The following UBXN11 variants were observed in gnomAD, a reference collection of about 807,000 sequenced individuals.
UBXN11 encodes UBX domain-containing protein 11.
A neutral mutation model predicts 62.8 loss-of-function variants in UBXN11; 47 were observed. The observed-to-expected ratio is 0.75, with a 90% CI of 0.59 to 0.95. The LOEUF is 0.95. Among genes scored for constraint, UBXN11 ranks in the 40% least tolerant of loss-of-function variants. UBXN11 has a pLI of 0.00. For missense variants in UBXN11, 638 were observed against 661.7 expected, an observed-to-expected ratio of 0.96 and a Z score of 0.39; for synonymous variants, 294 against 267.0, an observed-to-expected ratio of 1.10 and a Z score of -0.99.
chr1:26,305,255 C>T (rs1273905447), intron 1 of UBXN11, among the ~76,000 whole-genome samples: 1 of 152,092 alleles, frequency 6.6e-6, no homozygotes, highest in African/African-American at 2.4e-5. Context: ...CGTGAGCCAC[C>T]CCACCTGGCC....
chr1:26,305,246 G>A (rs77518217), intron 1 of UBXN11, among the ~76,000 whole-genome samples: 3 of 151,998 alleles, frequency 2.0e-5, no homozygotes, highest in African/African-American at 7.2e-5. Flanking sequence ...GATTACCGGC[G>A]TGAGCCACCC....
chr1:26,289,839 C>T lies in UBXN11; in HGVS notation c.560-3802G>A, dbSNP rs1327845415. 1.3e-5 allele frequency among the ~76,000 whole-genome samples: 2 copies of T among 152,244 alleles called. 1 individual carries two copies. The highest frequency in any genetic ancestry group is 4.8e-5 in the African/African-American group (2 of 41,466). On this transcript the variant is annotated intron_variant, in intron 8 of 14. Transcript: ENST00000374222. ...CGGTGCCGCCCTCCATGTGCCTGCC[C>T]TTGACCCTCAGGCAAAGACGGCTGC...
chr1:26,285,224 G>A lies in UBXN11; in HGVS notation c.852+240C>T, dbSNP rs1305784968. On this transcript the variant is annotated intron_variant, in intron 10 of 14. Coordinates refer to ENST00000374222, the MANE Select transcript of UBXN11 (RefSeq NM_001389556.1). ...AAAGCTGGGGAGGACTAGAAGGCAGGGGCCCCGCAGCCGAGGCTGTCTCCA... is the reference window on the plus strand; with the variant it reads ...AAAGCTGGGGAGGACTAGAAGGCAGAGGCCCCGCAGCCGAGGCTGTCTCCA... The A allele has an allele frequency of 4.6e-6, 6 of 1,307,944 alleles. No individual in the cohort carries two copies. In the East Asian group the frequency reaches 1.9e-4, roughly 42 times the overall value. 81.0% of individuals were successfully genotyped at this position (1,307,944 alleles called of 1,614,324 possible). A position where few individuals can be genotyped will look rare whatever the true frequency, so the allele number is the denominator to read the frequency against.
upstream of UBXN11, among the ~76,000 whole-genome samples, chr1:26,310,823 A>G (rs1263391750): frequency 6.7e-6 from 1 of 148,286 alleles, no homozygotes; most frequent in East Asian, 2.0e-4. Flanking sequence ...TTTAACCTAT[A>G]TTTCTCTTCC....
At chr1:26,306,699 A>C (rs115882672), upstream of UBXN11, 4,362 of 152,184 alleles carry the variant, frequency 0.029, 91 homozygotes, top group Non-Finnish European at 0.043. Context: ...GGGAGGCCTG[A>C]GCAACCTGCA....
At chr1:26,300,578 C>T (rs558283095) in intron 4 of UBXN11, among the ~76,000 whole-genome samples, 31 of 152,322 alleles carry the variant, frequency 2.0e-4, no homozygotes, top group African/African-American at 6.7e-4. Context: ...ACTGTCTAGG[C>T]GACTTTGGGC....
Position 26,282,302 on chromosome 1 carries a change from T to A in UBXN11, c.1560A>T (p.Gln520His). 1 of 1,455,264 alleles carries A rather than the reference T, an allele frequency of 6.9e-7. No individual in the cohort carries two copies. The allele number at this position is 1,455,264 out of a possible 1,614,324, so 90.1% of individuals were successfully genotyped here. Residue 520 changes from glutamine (Q) to histidine (H), a missense_variant, in exon 15 of 15, where the codon CAA (glutamine) becomes CAT (histidine). Gln to His is a conservative substitution (Grantham distance 24). Transcript: ENST00000374222. ...GCGGGTTGAGGGGGCGGGTGCTTTATTGGGGGCTGGGACTGGGTCCAGGAC... is the reference window on the plus strand; with the variant it reads ...GCGGGTTGAGGGGGCGGGTGCTTTAATGGGGGCTGGGACTGGGTCCAGGAC... ...SPCPGPSPSP[Q>H]
intron 8 of UBXN11, among the ~76,000 whole-genome samples, chr1:26,290,581 G>T (rs1236105001): frequency 6.6e-6 from 1 of 152,166 alleles, no homozygotes; most frequent in Non-Finnish European, 1.5e-5. Context: ...GGTCAAGCCA[G>T]GTGGCTCTGG....
chr1:26,307,101 A>C (rs2073687303), upstream of UBXN11: 1 of 152,222 alleles, frequency 6.6e-6, no homozygotes, highest in Non-Finnish European at 1.5e-5. Flanking sequence ...TGTTTCCTAA[A>C]TCTGAGTTTC....
At chr1:26,311,119 A>G (rs1339246823), upstream of UBXN11, among the ~76,000 whole-genome samples, 1 of 150,174 alleles carries the variant, frequency 6.7e-6, no homozygotes. Flanking sequence ...CTGGGGCTAG[A>G]TGGTTCTGGA....
At chr1:26,293,023 CAAG>C (rs2073308104) in intron 8 of UBXN11, among the ~76,000 whole-genome samples, 1 of 152,078 alleles carries the variant, frequency 6.6e-6, no homozygotes, top group South Asian at 2.1e-4. Flanking sequence ...AGCAGGAAAC[CAAG>C]AAGGTGTCGT....
upstream of UBXN11, chr1:26,306,832 G>GGGGGGGGGGGGGGGT (rs2073680664): frequency 1.2e-5 from 1 of 84,568 alleles, no homozygotes. Flanking sequence ...GGCGGGGTGG[G>GGGGGGGGGGGGGGGT]GGGGGGGGGT....
Position 26,282,432 on chromosome 1 carries a change from G to T in UBXN11, c.1430C>A (p.Ser477Tyr). 1 of 1,612,270 alleles carries T rather than the reference G, an allele frequency of 6.2e-7. No homozygotes were observed. The change falls in exon 15 of 15, where the codon TCC (serine) becomes TAC (tyrosine). Residue 477 changes from serine (S) to tyrosine (Y), a missense_variant. Physicochemically the swap from Ser to Tyr is moderately radical, Grantham distance 144. Transcript: ENST00000374222. The part of the protein sequence containing the change: ...LLLRARRAPK[S>Y]SLKFSPGPCP... ...GGGACCAGGACTGAATTTCAGGCTG[G>T]ACTTCGGGGCTCGGCGTGCCCGCAG... is the stretch of plus-strand genomic sequence containing the variant.
chr1:26,286,671 CGCCAACCCT>C (rs1477865607), intron 8 of UBXN11, among the ~76,000 whole-genome samples: 1 of 111,108 alleles, frequency 9.0e-6, no homozygotes, highest in Non-Finnish European at 1.8e-5. Context: ...ATGGTCCTTA[CGCCAACCCT>C]GAGGCTTAAG....
intron 7 of UBXN11, among the ~76,000 whole-genome samples, chr1:26,296,503 G>A (rs1438389472): frequency 6.6e-6 from 1 of 152,216 alleles, no homozygotes; most frequent in East Asian, 1.9e-4. Context: ...GCAACAGCAC[G>A]GCCCAAGGCC....
intron 7 of UBXN11, among the ~76,000 whole-genome samples, chr1:26,295,497 C>G (rs1488528088): frequency 6.6e-6 from 1 of 152,136 alleles, no homozygotes; most frequent in African/African-American, 2.4e-5. Flanking sequence ...GAACCACGGG[C>G]GGCTCCAATG....
At chr1:26,297,340 A>G in intron 6 of UBXN11, 87 bp downstream of exon 6, 1 of 1,411,466 alleles carries the variant, frequency 7.1e-7, no homozygotes, top group East Asian at 2.5e-5. Context: ...TCTTGATGCC[A>G]GAAGCCATTG....
Position 26,301,009 on chromosome 1 carries a change from A to T in UBXN11, c.116T>A (p.Met39Lys). 1 of 1,614,152 alleles carries T rather than the reference A, an allele frequency of 6.2e-7. No homozygotes were observed. Among genetic ancestry groups the T allele is most frequent in the Non-Finnish European group, 8.5e-7 (1 of 1,179,998 alleles). The change falls in exon 4 of 15, where the codon ATG (methionine) becomes AAG (lysine). Residue 39 changes from methionine to lysine, a missense_variant. Transcript: ENST00000374222. ...TTCTGAGCCACACCCATCACTCAAC[A>T]TGTCCACCTCATCTTCTGCAGACAG... Reference protein sequence around the residue: ...RIYGDEDEVDMLSDGCGSEEK... With the variant: ...RIYGDEDEVDKLSDGCGSEEK...
intron 6 of UBXN11, among the ~76,000 whole-genome samples, 200 bp from the exon 7 acceptor site, chr1:26,297,195 T>C (rs576392801): frequency 3.4e-4 from 52 of 152,208 alleles, no homozygotes; most frequent in Non-Finnish European, 6.8e-4. Context: ...CCTCAGAGCC[T>C]CCTCTCCTCC....
Sources: gnomAD v4.1 joint callset for allele counts (sites outside exome capture counted in the v4.1 genomes callset) on GRCh38, gnomAD v4.1.1 for gene constraint, MANE v1.5 for transcripts, NCBI Gene and HGNC (gene_info 2026-07-23, HGNC 2026-07-21) for gene names.